The following THOC2 variants were observed in gnomAD, a reference collection of about 807,000 sequenced individuals.
The protein encoded by THOC2 is THO complex 2.
Under a neutral mutation model 128.4 loss-of-function variants are expected in THOC2, and 10 were observed. The observed-to-expected ratio is 0.08, with a 90% CI of 0.05 to 0.13. The LOEUF (loss-of-function observed/expected upper bound fraction) is 0.13, where lower values mean the gene tolerates loss of function less well. Ranked by LOEUF, THOC2 falls within the 10% of genes least tolerant of loss-of-function variation. THOC2 has a pLI of 1.00. For synonymous variants in THOC2, 393 were observed against 396.9 expected, an observed-to-expected ratio of 0.99 and a Z score of 0.12; for missense variants, 535 against 1,155.7, an observed-to-expected ratio of 0.46 and a Z score of 7.79.
intron 5 of THOC2, 84 bp from the exon 6 acceptor site, chrX:123,696,926 TAAG>T (rs2050469100): frequency 2.7e-6 from 2 of 748,579 alleles, no homozygotes; most frequent in African/African-American, 2.2e-5. Context: ...GCTTCCTAAA[TAAG>T]AATACAAAAA....
chrX:123,654,947 GT>G (rs2147754719), intron 12 of THOC2, among the ~76,000 whole-genome samples: 1 of 109,347 alleles, frequency 9.1e-6, no homozygotes, highest in African/African-American at 3.3e-5. Context: ...TAGGAGGAGG[GT>G]TTTTGGGGAG....
At position 123,621,453 on chromosome X, in the gene THOC2, C is replaced by T; in HGVS notation, c.3920G>A (p.Arg1307Gln). ...KDGKEKPKEE[R>Q]PNKDEKARET... ...TCTTGCTTTTTCATCTTTATTTGGC[C>T]GCTCTTCCTTTGGTTTTTCTTTACC... Residue 1307 changes from arginine to glutamine, a missense_variant, in exon 31 of 39, where the codon CGG becomes CAG. Transcript: ENST00000245838. 8.3e-7 allele frequency: 1 copy of T among 1,210,826 alleles called. No individual in the cohort carries two copies. Among genetic ancestry groups the T allele is most frequent in the Non-Finnish European group, 1.1e-6 (1 of 895,304 alleles).
At chrX:123,626,191 G>C (rs2147610708) in intron 24 of THOC2, 122 bp from the exon 25 acceptor site, 2 of 501,445 alleles carry the variant, frequency 4.0e-6, no homozygotes, top group East Asian at 7.9e-5. Context: ...ACTATTTATA[G>C]TTTGTAACCA....
chrX:123,667,793 T>C (rs2049107830), intron 10 of THOC2, among the ~76,000 whole-genome samples: 1 of 110,482 alleles, frequency 9.1e-6, no homozygotes, highest in Non-Finnish European at 1.9e-5. Flanking sequence ...TTACAGTTTA[T>C]AGACTTGGAA....
In THOC2 at chrX:123,609,023, C is replaced by T. The variant is rs144481617; in HGVS notation, c.*18+1895G>A. ...GAAAAACTCAAATCTGTAGCATAACCTTCACATACAAAAGAATAATATTTG... is the reference window on the plus strand; with the variant it reads ...GAAAAACTCAAATCTGTAGCATAACTTTCACATACAAAAGAATAATATTTG... On this transcript the variant is annotated intron_variant, in intron 38 of 38. Transcript: ENST00000245838. Among the ~76,000 whole-genome samples, 646 of 112,020 alleles carry T rather than the reference C, an allele frequency of 5.8e-3. 4 individuals carry two copies. The highest frequency in any genetic ancestry group is 0.023 in the Middle Eastern group (5 of 218).
intron 33 of THOC2, among the ~76,000 whole-genome samples, chrX:123,615,474 G>C (rs1378605947): frequency 3.6e-5 from 4 of 110,410 alleles, no homozygotes; most frequent in Admixed American, 9.6e-5. Context: ...AAAAATACTT[G>C]TCTAAAAGAT....
At chrX:123,622,257 C>T (rs964942584) in intron 30 of THOC2, among the ~76,000 whole-genome samples, 1 of 109,660 alleles carries the variant, frequency 9.1e-6, no homozygotes, top group East Asian at 2.9e-4. Flanking sequence ...AAAAATTAGC[C>T]GGGAGTGGTG....
chrX:123,647,977 T>C (rs1364797818), intron 12 of THOC2, among the ~76,000 whole-genome samples: 3 of 111,384 alleles, frequency 2.7e-5, no homozygotes. Flanking sequence ...TCAGCCTAAC[T>C]TCTATGAACT....
At position 123,613,416 on chromosome X, in the gene THOC2, A is replaced by T. The variant is rs373093074; in HGVS notation, c.4660T>A (p.Ser1554Thr). 2.5e-6 allele frequency: 3 copies of T among 1,205,407 alleles called. No individual in the cohort carries two copies. The highest frequency in any genetic ancestry group is 3.0e-5 in the East Asian group (1 of 33,740). The change falls in exon 36 of 39, where the codon TCC becomes ACC. Residue 1554 changes from serine to threonine, a missense_variant. By Grantham distance (58) the Ser-to-Thr change is moderately conservative. Around this residue, in one of 9 missense-constraint regions of THOC2, gnomAD observed 39 missense variants for 93.1 expected, o/e 0.42. Coordinates refer to ENST00000245838, the MANE Select transcript of THOC2 (RefSeq NM_001081550.2). Reference protein sequence around the residue: ...SFKSEKMDKISSGGKKESRHD... With the variant: ...SFKSEKMDKITSGGKKESRHD... ...TAATTTACCTTTTTGCCACCGGAGGAGATTTTATCCATCTTCTCAGATTTA... is the reference window on the plus strand; with the variant it reads ...TAATTTACCTTTTTGCCACCGGAGGTGATTTTATCCATCTTCTCAGATTTA...
intron 22 of THOC2, among the ~76,000 whole-genome samples, chrX:123,628,802 T>C (rs961485666): frequency 8.1e-5 from 9 of 110,586 alleles, no homozygotes; most frequent in Non-Finnish European, 1.7e-4. Context: ...GGGTGACCAA[T>C]TGTCAGGGTT....
At chrX:123,665,262 G>C (rs1226221241) in intron 12 of THOC2, among the ~76,000 whole-genome samples, 1 of 111,603 alleles carries the variant, frequency 9.0e-6, no homozygotes. Flanking sequence ...GATATGTTCA[G>C]ATACACAAAT....
intron 8 of THOC2, among the ~76,000 whole-genome samples, chrX:123,675,005 C>T (rs1184211765): frequency 9.0e-6 from 1 of 111,730 alleles, no homozygotes; most frequent in Non-Finnish European, 1.9e-5. Flanking sequence ...TTGAAATTAT[C>T]TTTTTAAAGA....
At chrX:123,671,634 A>G (rs2049283344) in intron 9 of THOC2, 35 bp downstream of exon 9, 2 of 929,636 alleles carry the variant, frequency 2.2e-6, no homozygotes, top group Admixed American at 2.7e-5. Context: ...CTTGGGACAG[A>G]CAATCAAGTA....
chrX:123,606,135 T>C (rs965154387), intron 38 of THOC2, among the ~76,000 whole-genome samples: 6 of 110,265 alleles, frequency 5.4e-5, no homozygotes, highest in African/African-American at 2.0e-4. Context: ...AAATATTGTG[T>C]GAGGTTAAGA....
intron 7 of THOC2, among the ~76,000 whole-genome samples, chrX:123,690,320 T>C: frequency 8.9e-6 from 1 of 111,907 alleles, no homozygotes. Context: ...TTTTCACAGA[T>C]GTATACATAT....
chrX:123,652,997 G>A (rs1371155988), intron 12 of THOC2, among the ~76,000 whole-genome samples: 1 of 111,772 alleles, frequency 8.9e-6, no homozygotes, highest in African/African-American at 3.3e-5. Context: ...AAAGCTGGAG[G>A]CATCATGCTA....
intron 8 of THOC2, among the ~76,000 whole-genome samples, chrX:123,681,911 TAGAC>T (rs1195939800): frequency 9.0e-6 from 1 of 111,355 alleles, no homozygotes; most frequent in Admixed American, 9.5e-5. Flanking sequence ...AATACAAAAT[TAGAC>T]AGGCGTGGTG....
intron 8 of THOC2, among the ~76,000 whole-genome samples, chrX:123,680,266 G>A (rs757261972): frequency 3.1e-4 from 35 of 111,771 alleles, no homozygotes; most frequent in South Asian, 2.7e-3. Flanking sequence ...TGGGACATGC[G>A]GGTGGCAATA....
chrX:123,695,926 G>A (rs1213344954), intron 7 of THOC2, 95 bp downstream of exon 7: 24 of 551,467 alleles, frequency 4.4e-5, no homozygotes, highest in Non-Finnish European at 5.9e-5. Flanking sequence ...AAAAAAAATA[G>A]ATGGAATGCA....
Sources: gnomAD v4.1 joint callset for allele counts (sites outside exome capture counted in the v4.1 genomes callset) on GRCh38, gnomAD v4.1.1 for gene constraint, gnomAD v4.1.1 regional missense constraint, MANE v1.5 for transcripts, NCBI Gene and HGNC (gene_info 2026-07-23, HGNC 2026-07-21) for gene names.